The following GALNT13 variants were observed in gnomAD, a reference collection of about 807,000 sequenced individuals.
The protein encoded by GALNT13 is UDP-GalNAc:polypeptide N-acetylgalactosaminyltransferase 13.
A neutral mutation model predicts 64.2 loss-of-function variants in GALNT13; 28 were observed. That is an observed-to-expected ratio of 0.44 (90% CI 0.32 to 0.60). GALNT13 has a LOEUF of 0.60. Among genes scored for constraint, GALNT13 ranks in the 20% least tolerant of loss-of-function variants. The pLI is 0.05. For missense variants in GALNT13, 577 were observed against 669.8 expected (o/e 0.86, Z 1.53); for synonymous variants, 214 against 224.6 (o/e 0.95, Z 0.42).
the GALNT13 span, among the ~76,000 whole-genome samples, chr2:153,464,598 T>C: frequency 6.6e-6 from 1 of 152,074 alleles, no homozygotes; most frequent in East Asian, 1.9e-4. Context: ...CATAAAATTA[T>C]ATTATAGCGA....
chr2:153,387,945 T>C, the GALNT13 span, among the ~76,000 whole-genome samples: 1 of 150,906 alleles, frequency 6.6e-6, no homozygotes, highest in African/African-American at 2.4e-5. Context: ...TGAATATTTA[T>C]AGCATATAAA....
chr2:153,132,721 A>G, the GALNT13 span, among the ~76,000 whole-genome samples: 1 of 152,104 alleles, frequency 6.6e-6, no homozygotes, highest in South Asian at 2.1e-4. Flanking sequence ...GAATTATTAA[A>G]CTGAGTTAAT....
At chr2:154,383,883 T>C (rs888503117) in intron 9 of GALNT13, among the ~76,000 whole-genome samples, 3 of 145,476 alleles carry the variant, frequency 2.1e-5, no homozygotes, top group Admixed American at 6.9e-5. Context: ...TATAGAGATA[T>C]ATTTCTAAAA....
intron 4 of GALNT13, among the ~76,000 whole-genome samples, chr2:154,180,415 C>T (rs1685890981): frequency 6.6e-6 from 1 of 151,306 alleles, no homozygotes; most frequent in South Asian, 2.1e-4. Flanking sequence ...GGCAGTTAAA[C>T]AAACCACTTA....
intron 4 of GALNT13, among the ~76,000 whole-genome samples, chr2:154,155,779 T>A (rs2105645048): frequency 6.6e-6 from 1 of 152,076 alleles, no homozygotes; most frequent in African/African-American, 2.4e-5. Flanking sequence ...ACTTTGAATT[T>A]TAATATTTAA....
chr2:153,893,763 ATTG>A (rs1193712058), intron 1 of GALNT13, among the ~76,000 whole-genome samples: 2 of 152,030 alleles, frequency 1.3e-5, no homozygotes, highest in South Asian at 4.1e-4. Flanking sequence ...TTGATCCCTA[ATTG>A]TTGCTTTTAT....
chr2:154,269,098 G>C, intron 8 of GALNT13, among the ~76,000 whole-genome samples: 1 of 152,008 alleles, frequency 6.6e-6, no homozygotes, highest in East Asian at 1.9e-4. Flanking sequence ...AAAGAAATGA[G>C]AGCTGACATA....
intron 4 of GALNT13, among the ~76,000 whole-genome samples, chr2:154,191,258 C>T (rs751625587): frequency 1.3e-5 from 2 of 152,036 alleles, no homozygotes; most frequent in African/African-American, 2.4e-5. Context: ...CATTTGCACG[C>T]GCACGCACGC....
intron 3 of GALNT13, among the ~76,000 whole-genome samples, chr2:154,092,248 A>G (rs1359406582): frequency 6.6e-6 from 1 of 151,952 alleles, no homozygotes; most frequent in Non-Finnish European, 1.5e-5. Flanking sequence ...GATAGATCTC[A>G]TGTATATTGG....
At chr2:154,200,908 G>A (rs1687134950) in intron 4 of GALNT13, among the ~76,000 whole-genome samples, 1 of 152,022 alleles carries the variant, frequency 6.6e-6, no homozygotes, top group African/African-American at 2.4e-5. Context: ...GAGGCTTTGG[G>A]AACTAGCCTA....
chr2:154,341,403 A>G (rs79518125), intron 9 of GALNT13, among the ~76,000 whole-genome samples: 2,636 of 152,230 alleles, frequency 0.017, 75 homozygotes, highest in African/African-American at 0.06. Flanking sequence ...AAAAAATGAA[A>G]CTGCTGAGAT....
At chr2:154,238,396 C>G (rs1239783694) in intron 4 of GALNT13, among the ~76,000 whole-genome samples, 1 of 151,954 alleles carries the variant, frequency 6.6e-6, no homozygotes, top group Non-Finnish European at 1.5e-5. Flanking sequence ...TTTCTGTAAG[C>G]TCTATTTAAG....
At chr2:154,014,960 C>G (rs1696907980) in intron 3 of GALNT13, among the ~76,000 whole-genome samples, 2 of 152,054 alleles carry the variant, frequency 1.3e-5, no homozygotes, top group South Asian at 4.1e-4. Flanking sequence ...CTACCTCACC[C>G]AAAATATACT....
At chr2:153,208,655 A>G in the GALNT13 span, among the ~76,000 whole-genome samples, 1 of 152,250 alleles carries the variant, frequency 6.6e-6, no homozygotes, top group Non-Finnish European at 1.5e-5. Flanking sequence ...CATTTCTCTT[A>G]AGTATATACC....
the GALNT13 span, among the ~76,000 whole-genome samples, chr2:153,672,286 G>T: frequency 4.6e-5 from 7 of 152,096 alleles, no homozygotes; most frequent in Non-Finnish European, 8.8e-5. Flanking sequence ...TTCTAAAATT[G>T]ACCACATAAT....
chr2:154,059,245 T>G (rs1700051652), intron 3 of GALNT13, among the ~76,000 whole-genome samples: 1 of 152,208 alleles, frequency 6.6e-6, no homozygotes, highest in Non-Finnish European at 1.5e-5. Context: ...TTGTAGAATA[T>G]AAACAGAATA....
intron 1 of GALNT13, among the ~76,000 whole-genome samples, chr2:153,892,771 G>A (rs1248777215): frequency 4.0e-5 from 6 of 151,782 alleles, no homozygotes; most frequent in Non-Finnish European, 7.4e-5. Context: ...TTTTCCAACT[G>A]TTAATTCTTT....
intron 8 of GALNT13, chr2:154,286,678 G>A: frequency 3.2e-6 from 1 of 312,684 alleles, no homozygotes; most frequent in South Asian, 3.2e-5. Flanking sequence ...CTTATACAGT[G>A]TGCATGCTGG....
chr2:154,273,329 T>C (rs187779262), intron 8 of GALNT13, among the ~76,000 whole-genome samples: 1 of 152,048 alleles, frequency 6.6e-6, no homozygotes, highest in East Asian at 1.9e-4. Flanking sequence ...ACATTCAGCA[T>C]AGAAAAAAAA....
Sources: gnomAD v4.1 joint callset for allele counts (sites outside exome capture counted in the v4.1 genomes callset) on GRCh38, gnomAD v4.1.1 for gene constraint, MANE v1.5 for transcripts, NCBI Gene and HGNC (gene_info 2026-07-23, HGNC 2026-07-21) for gene names.